Variants in CRPPA observed in about 807,000 individuals in gnomAD.
The protein encoded by CRPPA is D-ribitol-5-phosphate cytidylyltransferase.
Under a neutral mutation model 52.0 loss-of-function variants are expected in CRPPA, and 43 were observed. That is an observed-to-expected ratio of 0.83 (90% confidence interval 0.65 to 1.07). The LOEUF is 1.07. Among genes scored for constraint, CRPPA ranks in the 50% least tolerant of loss-of-function variants. The pLI, the probability that CRPPA is intolerant of heterozygous loss-of-function variation, is 0.00. For synonymous variants in CRPPA, 250 were observed against 203.5 expected, an observed-to-expected ratio of 1.23 and a Z score of -1.94; for missense variants, 629 against 551.7, an observed-to-expected ratio of 1.14 and a Z score of -1.40.
chr7:16,166,930 CT>C (rs34531146), intron 9 of CRPPA, among the ~76,000 whole-genome samples: 44,563 of 139,724 alleles, frequency 0.32, 7,119 homozygotes, highest in Admixed American at 0.4. Context: ...TTCCAACCTA[CT>C]TTTTTTTTTT....
At chr7:16,321,782 G>T (rs763243862) in intron 3 of CRPPA, among the ~76,000 whole-genome samples, 1 of 152,142 alleles carries the variant, frequency 6.6e-6, no homozygotes, top group Admixed American at 6.6e-5. Flanking sequence ...TGCCCAGTAT[G>T]TATTGGAGAA....
chr7:16,181,603 A>C (rs1015886428), intron 9 of CRPPA, among the ~76,000 whole-genome samples: 1 of 151,984 alleles, frequency 6.6e-6, no homozygotes, highest in Non-Finnish European at 1.5e-5. Context: ...CATTGCTATA[A>C]TCCTAATCAT....
intron 2 of CRPPA, among the ~76,000 whole-genome samples, chr7:16,388,806 G>T (rs1021396158): frequency 2.0e-5 from 3 of 152,134 alleles, no homozygotes; most frequent in Non-Finnish European, 2.9e-5. Flanking sequence ...AACCCAAGAG[G>T]CAATGGATGC....
rs1417236942 is a variant in CRPPA, at chr7:16,132,965, T to C, written c.1252-41166A>G. Among the ~76,000 whole-genome samples the C allele has an allele frequency of 8.1e-5, 10 of 122,978 alleles. 1 individual carries two copies. Among genetic ancestry groups the C allele is most frequent in the African/African-American group, 2.1e-4 (8 of 37,936 alleles). The allele number at this position is 122,978 out of a possible 152,430, so 80.7% of individuals were successfully genotyped here. A position where few individuals can be genotyped will look rare whatever the true frequency, so the allele number is the denominator to read the frequency against. On this transcript the variant is annotated intron_variant, in intron 9 of 9. Transcript: ENST00000407010. ...TGAGCTCAGGAGTTTGAGACTAGTC[T>C]GGGAAACATAGTGAGACCATGTCTC...
intron 6 of CRPPA, among the ~76,000 whole-genome samples, chr7:16,276,362 A>G (rs955784482): frequency 6.6e-6 from 1 of 152,226 alleles, no homozygotes. Context: ...AGAAAACTGT[A>G]GTAAAACAAA....
At chr7:16,280,649 C>A (rs922593385) in intron 5 of CRPPA, among the ~76,000 whole-genome samples, 3 of 152,078 alleles carry the variant, frequency 2.0e-5, no homozygotes, top group Non-Finnish European at 4.4e-5. Flanking sequence ...TAAGCGCTAC[C>A]CAACATGTGT....
rs1284979156 is a variant in CRPPA at position 16,089,405 on chromosome 7, GTA to G, written c.*2288_*2289del. 1 of 350,384 alleles carries G rather than the reference GTA, an allele frequency of 2.9e-6. No homozygotes were observed. Among genetic ancestry groups the G allele is most frequent in the Non-Finnish European group, 6.5e-6 (1 of 154,694 alleles). 21.7% of individuals were successfully genotyped at this position (350,384 alleles called of 1,614,324 possible). A position where few individuals can be genotyped will look rare whatever the true frequency, so the allele number is the denominator to read the frequency against. On this transcript the variant is annotated 3_prime_UTR_variant, in exon 10 of 10. Transcript: ENST00000407010. Reference sequence around the variant, plus strand: ...ACGTATATATGTATGTACATAATGTGTATATATGTACGTACATACATATATGT... The same window carrying G: ...ACGTATATATGTATGTACATAATGTGTATATGTACGTACATACATATATGT...
At chr7:16,387,108 TACAC>T (rs561497755) in intron 2 of CRPPA, among the ~76,000 whole-genome samples, 1 of 141,620 alleles carries the variant, frequency 7.1e-6, no homozygotes, top group Non-Finnish European at 1.5e-5. Flanking sequence ...TATATGTATA[TACAC>T]ACACACACAC....
At chr7:16,111,318 C>T (rs1227614211) in intron 9 of CRPPA, among the ~76,000 whole-genome samples, 2 of 152,082 alleles carry the variant, frequency 1.3e-5, no homozygotes, top group African/African-American at 4.8e-5. Flanking sequence ...CTCTTGTGCA[C>T]TGTTGGTAGG....
chr7:16,140,057 T>C (rs1429219121), intron 9 of CRPPA, among the ~76,000 whole-genome samples: 1 of 152,176 alleles, frequency 6.6e-6, no homozygotes, highest in East Asian at 1.9e-4. Context: ...TGATTAAATA[T>C]ACTCAAAGGA....
At chr7:16,356,254 C>T (rs1786291807) in intron 3 of CRPPA, among the ~76,000 whole-genome samples, 1 of 152,194 alleles carries the variant, frequency 6.6e-6, no homozygotes, top group Non-Finnish European at 1.5e-5. Flanking sequence ...ACTTCCTTCT[C>T]AACAACCCAG....
At chr7:16,414,967 C>T (rs1013039497) in intron 1 of CRPPA, among the ~76,000 whole-genome samples, 1 of 152,158 alleles carries the variant, frequency 6.6e-6, no homozygotes, top group Non-Finnish European at 1.5e-5. Context: ...TATACATGTA[C>T]ATGATGTTTA....
Position 16,324,020 on chromosome 7 carries a change from G to A in CRPPA, c.685-15393C>T, listed in dbSNP as rs185672009. Among the ~76,000 whole-genome samples, 171 of 152,344 alleles carry A rather than the reference G, an allele frequency of 1.1e-3. 1 individual carries two copies. Among genetic ancestry groups the A allele is most frequent in the Non-Finnish European group, 1.7e-3 (113 of 68,034 alleles). On this transcript the variant is annotated intron_variant, in intron 3 of 9. Coordinates refer to ENST00000407010, the MANE Select transcript of CRPPA (RefSeq NM_001101426.4). ...GTAACACGGATGCAAATAGGAGGAAGCAGAGAAGATGTCCATGCACTGGCG... is the reference window on the plus strand; with the variant it reads ...GTAACACGGATGCAAATAGGAGGAAACAGAGAAGATGTCCATGCACTGGCG...
chr7:16,093,569 C>T (rs1373505767), intron 9 of CRPPA, among the ~76,000 whole-genome samples: 1 of 152,230 alleles, frequency 6.6e-6, no homozygotes, highest in East Asian at 1.9e-4. Context: ...ATGTCAGCTA[C>T]TTCACTTCTT....
At chr7:16,377,284 C>A (rs543413368) in intron 2 of CRPPA, among the ~76,000 whole-genome samples, 1 of 152,032 alleles carries the variant, frequency 6.6e-6, no homozygotes, top group Admixed American at 6.6e-5. Flanking sequence ...CACAGGGTGA[C>A]AAAGAGGAAG....
Position 16,307,673 on chromosome 7 carries a change from C to CAA in CRPPA, c.789+848_789+849dup, listed in dbSNP as rs55682769. ...CTGGGCCAGAAGAGTGAAACTCTGTCAAAAAAAAAAAAAAAAAAAAAAAAA... is the reference window on the plus strand; with the variant it reads ...CTGGGCCAGAAGAGTGAAACTCTGTCAAAAAAAAAAAAAAAAAAAAAAAAAAA... On this transcript the variant is annotated intron_variant, in intron 4 of 9. Transcript: ENST00000407010. 9.7e-3 allele frequency among the ~76,000 whole-genome samples: 431 copies of CAA among 44,372 alleles called. 16 individuals carry two copies. The highest frequency in any genetic ancestry group is 0.015 in the Non-Finnish European group (372 of 24,644). 29.1% of individuals were successfully genotyped at this position (44,372 alleles called of 152,430 possible).
chr7:16,373,257 T>C (rs1042918351), intron 3 of CRPPA, among the ~76,000 whole-genome samples: 4 of 151,908 alleles, frequency 2.6e-5, no homozygotes, highest in Non-Finnish European at 4.4e-5. Flanking sequence ...GACTGTACCA[T>C]TGCAGTCTAG....
At chr7:16,204,110 TAA>T (rs1781916482) in intron 9 of CRPPA, among the ~76,000 whole-genome samples, 1 of 152,178 alleles carries the variant, frequency 6.6e-6, no homozygotes, top group African/African-American at 2.4e-5. Context: ...TCTAATCACC[TAA>T]GTTATAATTT....
intron 9 of CRPPA, among the ~76,000 whole-genome samples, chr7:16,118,342 G>A (rs2128369048): frequency 6.6e-6 from 1 of 152,246 alleles, no homozygotes; most frequent in Admixed American, 6.5e-5. Flanking sequence ...ATCTTACTTG[G>A]CCTATGGGAC....
Sources: gnomAD v4.1 joint callset for allele counts (sites outside exome capture counted in the v4.1 genomes callset) on GRCh38, gnomAD v4.1.1 for gene constraint, MANE v1.5 for transcripts, NCBI Gene and HGNC (gene_info 2026-07-23, HGNC 2026-07-21) for gene names.